Variants in FBXL4 observed in about 807,000 individuals in gnomAD.
The protein encoded by FBXL4 is F-box/LRR-repeat protein 4.
FBXL4 carries 40 observed loss-of-function variants against 58.9 expected under a neutral mutation model. That is an observed-to-expected ratio of 0.68 (90% CI 0.53 to 0.88). FBXL4 has a LOEUF of 0.88. Ranked by LOEUF, FBXL4 falls within the 40% of genes least tolerant of loss-of-function variation. FBXL4 has a pLI of 0.00. For synonymous variants in FBXL4, 263 were observed against 265.5 expected (o/e 0.99, Z 0.09); for missense variants, 676 against 734.4 (o/e 0.92, Z 0.92).
intron 4 of FBXL4, among the ~76,000 whole-genome samples, chr6:98,924,377 T>A (rs1772695017): frequency 2.0e-5 from 3 of 152,200 alleles, no homozygotes; most frequent in Admixed American, 2.0e-4. Flanking sequence ...CCCAACCTGG[T>A]GAAACCCCAT....
chr6:98,893,489 C>G (rs1771302063), intron 7 of FBXL4, among the ~76,000 whole-genome samples: 1 of 152,164 alleles, frequency 6.6e-6, no homozygotes, highest in Non-Finnish European at 1.5e-5. Context: ...GGATTAGGCT[C>G]TACCCTAATG....
chr6:98,898,191 A>T, intron 7 of FBXL4: 1 of 609,748 alleles, frequency 1.6e-6, no homozygotes, highest in Non-Finnish European at 2.1e-6. Context: ...ATAATGAGCT[A>T]GACAAACATT....
In FBXL4 at chr6:98,926,930, C is replaced by T. The variant is rs1457816275; in HGVS notation, c.59G>A (p.Arg20Gln). Residue 20 changes from arginine (R) to glutamine (Q), a missense_variant, in exon 4 of 10, where the codon CGG becomes CAG. Transcript: ENST00000369244. ...VLTMFYYICL[R>Q]RRARTATRGE... ...TCTTGTAGCTGTCCTGGCTCGGCGC[C>T]GAAGGCATATATAATAAAACATGGT... is the stretch of plus-strand genomic sequence containing the variant. 6.8e-6 allele frequency: 11 copies of T among 1,613,924 alleles called. No individual in the cohort carries two copies. The highest frequency in any genetic ancestry group is 6.7e-5 in the Admixed American group (4 of 59,988).
At chr6:98,883,917 T>G (rs888185897) in intron 7 of FBXL4, among the ~76,000 whole-genome samples, 1 of 151,678 alleles carries the variant, frequency 6.6e-6, no homozygotes, top group Non-Finnish European at 1.5e-5. Flanking sequence ...AAGGTTTTAG[T>G]TTTTACCTTT....
At chr6:98,875,343 CA>C (rs746526138) in intron 9 of FBXL4, 71 bp downstream of exon 9, 2 of 1,523,796 alleles carry the variant, frequency 1.3e-6, no homozygotes, top group Non-Finnish European at 1.8e-6. Context: ...TTTTTCCTAA[CA>C]AAAAGTCTGA....
intron 2 of FBXL4, among the ~76,000 whole-genome samples, chr6:98,929,206 T>C (rs1582443287): frequency 6.6e-6 from 1 of 152,154 alleles, no homozygotes; most frequent in African/African-American, 2.4e-5. Context: ...TATTTAAAAA[T>C]ATAAGCACTG....
At chr6:98,884,210 A>G (rs1770952924) in intron 7 of FBXL4, among the ~76,000 whole-genome samples, 2 of 152,036 alleles carry the variant, frequency 1.3e-5, no homozygotes, top group Admixed American at 1.3e-4. Flanking sequence ...CAACAATCCT[A>G]TTCACTCATT....
chr6:98,932,474 C>G (rs1773048281), intron 2 of FBXL4, among the ~76,000 whole-genome samples: 1 of 152,064 alleles, frequency 6.6e-6, no homozygotes, highest in South Asian at 2.1e-4. Context: ...AATACAATTA[C>G]AGAGAAAGCA....
At chr6:98,905,717 T>G in intron 5 of FBXL4, 47 bp from the exon 6 acceptor site, 1 of 1,586,584 alleles carries the variant, frequency 6.3e-7, no homozygotes, top group Non-Finnish European at 8.6e-7. Flanking sequence ...AAAAGCAGTA[T>G]CATTCTATGA....
At chr6:98,933,241 C>A (rs1268830553) in intron 2 of FBXL4, among the ~76,000 whole-genome samples, 1 of 152,200 alleles carries the variant, frequency 6.6e-6, no homozygotes, top group East Asian at 1.9e-4. Flanking sequence ...CTTATGCCCC[C>A]TCTTGCCTCT....
At chr6:98,930,079 C>G (rs974038198) in intron 2 of FBXL4, among the ~76,000 whole-genome samples, 1 of 152,170 alleles carries the variant, frequency 6.6e-6, no homozygotes, top group Non-Finnish European at 1.5e-5. Context: ...CCAAAACATA[C>G]AACAGACTAA....
chr6:98,910,392 G>A lies in FBXL4; in HGVS notation c.859-4722C>T, dbSNP rs1356958989. Among the ~76,000 whole-genome samples, 36 of 152,140 alleles carry A rather than the reference G, an allele frequency of 2.4e-4. 1 individual carries two copies. The highest frequency in any genetic ancestry group is 7.3e-5 in the Non-Finnish European group (5 of 68,028). ...TTCCAGGCCGGGCACGGTGGCTCAC[G>A]CCCATAATCCCAGCACTCTGGGAGG... On this transcript the variant is annotated intron_variant, in intron 5 of 9. Transcript: ENST00000369244.
intron 4 of FBXL4, among the ~76,000 whole-genome samples, chr6:98,920,857 T>C (rs1359479008): frequency 7.0e-5 from 8 of 114,416 alleles, no homozygotes; most frequent in Non-Finnish European, 9.8e-5. Context: ...CACACACACA[T>C]TCTGGAGAAA....
At chr6:98,901,751 C>T (rs1771620132) in intron 6 of FBXL4, among the ~76,000 whole-genome samples, 1 of 152,096 alleles carries the variant, frequency 6.6e-6, no homozygotes, top group Admixed American at 6.6e-5. Context: ...TACTTCTTTC[C>T]TTAATGCTTC....
chr6:98,914,574 A>G (rs1772254858), intron 5 of FBXL4, among the ~76,000 whole-genome samples: 1 of 152,180 alleles, frequency 6.6e-6, no homozygotes, highest in African/African-American at 2.4e-5. Flanking sequence ...AAACCACATG[A>G]TTATCTCAAT....
At chr6:98,909,147 G>T (rs1171521700) in intron 5 of FBXL4, among the ~76,000 whole-genome samples, 1 of 152,182 alleles carries the variant, frequency 6.6e-6, no homozygotes, top group Non-Finnish European at 1.5e-5. Flanking sequence ...TAAATTATCT[G>T]CAAAGTCTAA....
chr6:98,913,352 C>T (rs1772181581), intron 5 of FBXL4, among the ~76,000 whole-genome samples: 1 of 152,098 alleles, frequency 6.6e-6, no homozygotes, highest in Admixed American at 6.5e-5. Flanking sequence ...GAACTCTCCA[C>T]CCCAAATCAA....
At chr6:98,905,380 C>A (rs1366861789) in intron 6 of FBXL4, 46 bp downstream of exon 6, 1 of 1,601,934 alleles carries the variant, frequency 6.2e-7, no homozygotes. Context: ...ATAAGTATAA[C>A]CTGCTGCTGG....
chr6:98,885,854 T>C (rs1438938014), intron 7 of FBXL4, among the ~76,000 whole-genome samples: 1 of 152,210 alleles, frequency 6.6e-6, no homozygotes, highest in Admixed American at 6.5e-5. Context: ...AAAAAGGCTG[T>C]GGCTCCTGTC....
Sources: gnomAD v4.1 joint callset for allele counts (sites outside exome capture counted in the v4.1 genomes callset) on GRCh38, gnomAD v4.1.1 for gene constraint, MANE v1.5 for transcripts, NCBI Gene and HGNC (gene_info 2026-07-23, HGNC 2026-07-21) for gene names.